TRDN: variants seen among roughly 807,000 people sequenced by gnomAD.
TRDN encodes triadin in skeletal muscle.
TRDN carries 161 observed loss-of-function variants against 149.7 expected under a neutral mutation model. The observed-to-expected ratio is 1.08, with a 90% CI of 0.95 to 1.23. The LOEUF is 1.23. Among genes scored for constraint, TRDN ranks in the 50% most tolerant of loss-of-function variants. TRDN has a pLI of 0.00. For synonymous variants in TRDN, 294 were observed against 250.5 expected, an observed-to-expected ratio of 1.17 and a Z score of -1.64; for missense variants, 896 against 823.5, an observed-to-expected ratio of 1.09 and a Z score of -1.08.
At chr6:123,525,691 T>TA (rs956805435) in intron 5 of TRDN, among the ~76,000 whole-genome samples, 2 of 152,024 alleles carry the variant, frequency 1.3e-5, no homozygotes, top group Admixed American at 1.3e-4. Flanking sequence ...CCCTTGAATC[T>TA]AAAAGTTTTT....
chr6:123,624,892 G>A lies in TRDN; in HGVS notation c.22+11862C>T, dbSNP rs570827183. 2.2e-4 allele frequency among the ~76,000 whole-genome samples: 33 copies of A among 152,154 alleles called. No homozygotes were observed. In the East Asian group the frequency reaches 2.7e-3, roughly 12 times the overall value. On this transcript the variant is annotated intron_variant, in intron 1 of 40. Coordinates refer to ENST00000334268, the MANE Select transcript of TRDN (RefSeq NM_006073.4). ...AGGAAACATAATAACTGTTAAAAAC[G>A]AATCAGAAACATGAAACATCCAGCT...
chr6:123,569,049 C>T (rs993867400), intron 2 of TRDN, among the ~76,000 whole-genome samples: 13 of 151,934 alleles, frequency 8.6e-5, no homozygotes, highest in African/African-American at 3.1e-4. Context: ...TTTTTTTGTT[C>T]CCACATCTTT....
chr6:123,399,031 A>G (rs1772851582), intron 12 of TRDN, among the ~76,000 whole-genome samples: 1 of 152,202 alleles, frequency 6.6e-6, no homozygotes, highest in African/African-American at 2.4e-5. Flanking sequence ...ACTTAGCATT[A>G]TAGTGTTTAA....
At chr6:123,567,311 C>T (rs1024217796) in intron 2 of TRDN, among the ~76,000 whole-genome samples, 5 of 152,122 alleles carry the variant, frequency 3.3e-5, no homozygotes, top group African/African-American at 7.2e-5. Context: ...TTTGATATCA[C>T]GGGACTTTTC....
At chr6:123,234,529 A>C (rs1582753925) in intron 38 of TRDN, among the ~76,000 whole-genome samples, 1 of 152,182 alleles carries the variant, frequency 6.6e-6, no homozygotes, top group African/African-American at 2.4e-5. Flanking sequence ...TTTTAATGAC[A>C]TAATTAGTTT....
chr6:123,327,282 A>G (rs1381542127), intron 23 of TRDN, among the ~76,000 whole-genome samples: 1 of 150,210 alleles, frequency 6.7e-6, no homozygotes, highest in African/African-American at 2.4e-5. Flanking sequence ...GCAATTCTAT[A>G]AAAAATAACT....
intron 5 of TRDN, among the ~76,000 whole-genome samples, chr6:123,526,592 A>G (rs970018909): frequency 2.3e-4 from 35 of 152,092 alleles, no homozygotes; most frequent in African/African-American, 8.2e-4. Context: ...TTTAAATGGA[A>G]TTATATCTAC....
rs1343672415 is a variant in TRDN, at chr6:123,216,965, T to C, written c.*1636A>G. 2.6e-5 allele frequency: 4 copies of C among 151,990 alleles called. No individual in the cohort carries two copies. The highest frequency in any genetic ancestry group is 5.9e-5 in the Non-Finnish European group (4 of 67,956). 9.4% of individuals were successfully genotyped at this position (151,990 alleles called of 1,614,324 possible). On this transcript the variant is annotated 3_prime_UTR_variant, in exon 41 of 41. Transcript: ENST00000334268. ...TAAATTCAGCAGGCTGGAGGAGCAGTTGAGCAATAAACTTTATGCACTCTC... is the reference window on the plus strand; with the variant it reads ...TAAATTCAGCAGGCTGGAGGAGCAGCTGAGCAATAAACTTTATGCACTCTC...
chr6:123,407,544 T>C (rs925818878), intron 12 of TRDN, among the ~76,000 whole-genome samples: 2 of 152,270 alleles, frequency 1.3e-5, no homozygotes, highest in African/African-American at 2.4e-5. Flanking sequence ...GACATGTTTC[T>C]ATCTCTCCTC....
rs538522446 is a variant in TRDN, at chr6:123,243,797, G to T, written c.1975+8615C>A. 4.5e-4 allele frequency among the ~76,000 whole-genome samples: 69 copies of T among 151,802 alleles called. 1 individual carries two copies. Among genetic ancestry groups the T allele is most frequent in the African/African-American group, 1.6e-3 (67 of 41,500 alleles). ...ACTTAATGATGAGCAATTTTTTTTT[G>T]TTACAGTTAGGATGACATAAAGTGA... On this transcript the variant is annotated intron_variant, in intron 38 of 40. Transcript: ENST00000334268.
At chr6:123,272,879 T>C in intron 29 of TRDN, 85 bp downstream of exon 29, 1 of 1,005,742 alleles carries the variant, frequency 9.9e-7, no homozygotes, top group Non-Finnish European at 1.5e-6. Flanking sequence ...CCAAATAACT[T>C]TAGACTTGAC....
intron 2 of TRDN, among the ~76,000 whole-genome samples, chr6:123,550,810 T>G (rs551766263): frequency 6.6e-6 from 1 of 152,136 alleles, no homozygotes; most frequent in Non-Finnish European, 1.5e-5. Flanking sequence ...CCTGTCTCCA[T>G]GATTCATTGA....
intron 12 of TRDN, among the ~76,000 whole-genome samples, chr6:123,415,746 C>A (rs181091777): frequency 7.9e-5 from 12 of 152,242 alleles, no homozygotes; most frequent in Admixed American, 4.6e-4. Context: ...GATAAGTAGA[C>A]ATTAGGCTAA....
At chr6:123,542,591 G>T (rs1011560418) in intron 4 of TRDN, among the ~76,000 whole-genome samples, 5 of 152,028 alleles carry the variant, frequency 3.3e-5, no homozygotes, top group African/African-American at 1.2e-4. Flanking sequence ...TATAGATGGA[G>T]GTTTAAGTGA....
chr6:123,602,464 C>T (rs1784323795), intron 1 of TRDN, among the ~76,000 whole-genome samples: 3 of 152,040 alleles, frequency 2.0e-5, no homozygotes, highest in African/African-American at 7.2e-5. Context: ...TAAAAGACTA[C>T]ATATTGGGTA....
At chr6:123,562,929 CT>C (rs1175172582) in intron 2 of TRDN, among the ~76,000 whole-genome samples, 1 of 152,124 alleles carries the variant, frequency 6.6e-6, no homozygotes, top group Non-Finnish European at 1.5e-5. Context: ...AGCTCCAATC[CT>C]TGCTTTTCAA....
chr6:123,349,376 A>T, intron 21 of TRDN: 1 of 266,488 alleles, frequency 3.8e-6, no homozygotes, highest in Non-Finnish European at 5.8e-6. Context: ...TATGCCCCTC[A>T]CACCCATTCC....
At chr6:123,533,721 G>C (rs1780367633) in intron 4 of TRDN, among the ~76,000 whole-genome samples, 1 of 151,830 alleles carries the variant, frequency 6.6e-6, no homozygotes, top group Non-Finnish European at 1.5e-5. Context: ...CAAAGACTAG[G>C]GTCAAGACCA....
intron 38 of TRDN, among the ~76,000 whole-genome samples, chr6:123,236,361 A>G (rs553876771): frequency 6.6e-6 from 1 of 152,276 alleles, no homozygotes; most frequent in East Asian, 1.9e-4. Flanking sequence ...AATTAATTTT[A>G]ACTAACATTT....
Sources: allele counts gnomAD v4.1 joint callset (sites outside exome capture counted in the v4.1 genomes callset), GRCh38; gene constraint gnomAD v4.1.1; transcripts MANE v1.5; gene names NCBI Gene and HGNC (gene_info 2026-07-23, HGNC 2026-07-21).